Variants in OXR1 observed in about 807,000 individuals in gnomAD.
OXR1 encodes oxidation resistance protein 1.
In OXR1, 41 loss-of-function variants were observed where a neutral mutation model predicts 104.6. The ratio of observed to expected loss-of-function variants is 0.39; its 90% confidence interval spans 0.31 to 0.51. OXR1 has a LOEUF of 0.51. Ranked by LOEUF, OXR1 falls within the 20% of genes least tolerant of loss-of-function variation. The probability of loss-of-function intolerance (pLI) is 0.77; values close to 1 mark genes in which losing one functional copy is unlikely to be tolerated. For synonymous variants in OXR1, 348 were observed against 348.4 expected (o/e 1.00, Z 0.01); for missense variants, 955 against 1,031.9 (o/e 0.93, Z 1.02).
At chr8:106,459,200 A>G (rs1563536129) in intron 2 of OXR1, among the ~76,000 whole-genome samples, 1 of 152,170 alleles carries the variant, frequency 6.6e-6, no homozygotes, top group East Asian at 1.9e-4. Context: ...GGGCCTAGTA[A>G]GAGGTGGTTA....
chr8:106,371,478 G>T (rs1816705253), intron 2 of OXR1, among the ~76,000 whole-genome samples: 1 of 152,080 alleles, frequency 6.6e-6, no homozygotes, highest in African/African-American at 2.4e-5. Flanking sequence ...TCTTTGAATT[G>T]TGATGTTAGG....
At chr8:106,296,153 G>C (rs1812986062) in intron 1 of OXR1, among the ~76,000 whole-genome samples, 1 of 152,136 alleles carries the variant, frequency 6.6e-6, no homozygotes, top group Non-Finnish European at 1.5e-5. Flanking sequence ...AGTTCTTCGA[G>C]TCTCATGGGC....
At chr8:106,552,432 T>C (rs755195143) in intron 3 of OXR1, among the ~76,000 whole-genome samples, 4 of 152,184 alleles carry the variant, frequency 2.6e-5, no homozygotes, top group Non-Finnish European at 5.9e-5. Context: ...CTATGCTTTC[T>C]ATTCTTAGGC....
intron 15 of OXR1, among the ~76,000 whole-genome samples, chr8:106,745,513 T>G (rs930260738): frequency 1.3e-5 from 2 of 152,192 alleles, no homozygotes; most frequent in African/African-American, 4.8e-5. Context: ...CAACTCTTGG[T>G]GTCTGTAGAG....
At chr8:106,626,029 GCT>G (rs1240470179) in intron 3 of OXR1, among the ~76,000 whole-genome samples, 1 of 135,716 alleles carries the variant, frequency 7.4e-6, no homozygotes, top group Non-Finnish European at 1.5e-5. Context: ...GTACTATTGT[GCT>G]CTGTTCTGCG....
chr8:106,590,957 A>G lies in OXR1; in HGVS notation c.220+71818A>G, dbSNP rs1465349809. Reference sequence around the variant, plus strand: ...TGGACCTGGAGCTTTTGAGATAAGTACACATTTTGAGATAAGTACATAGTT... The same window carrying G: ...TGGACCTGGAGCTTTTGAGATAAGTGCACATTTTGAGATAAGTACATAGTT... On this transcript the variant is annotated intron_variant, in intron 3 of 16. Transcript: ENST00000517566. Among the ~76,000 whole-genome samples the G allele has an allele frequency of 2.6e-5, 4 of 152,186 alleles. No homozygotes were observed. In the East Asian group the frequency reaches 5.8e-4, roughly 22 times the overall value.
intron 3 of OXR1, among the ~76,000 whole-genome samples, chr8:106,606,288 C>CTTTATTTATTTATTTATTTATTTA (rs140600718): frequency 7.7e-4 from 113 of 145,994 alleles, no homozygotes; most frequent in Admixed American, 2.1e-3. Flanking sequence ...CTATGATACT[C>CTTTATTTATTTATTTATTTATTTA]TTTATTTATT....
At chr8:106,314,794 T>A (rs1813857960) in intron 1 of OXR1, among the ~76,000 whole-genome samples, 1 of 152,208 alleles carries the variant, frequency 6.6e-6, no homozygotes, top group South Asian at 2.1e-4. Context: ...TGTTTAGCCT[T>A]ATCAGAGAAC....
At chr8:106,685,927 G>A (rs9297385) in intron 6 of OXR1, among the ~76,000 whole-genome samples, 18,739 of 152,072 alleles carry the variant, frequency 0.12, 1,454 homozygotes, top group East Asian at 0.34. Flanking sequence ...TATATATACC[G>A]TGGAATACTA....
intron 3 of OXR1, among the ~76,000 whole-genome samples, chr8:106,667,032 G>A (rs1826408522): frequency 6.6e-6 from 1 of 152,102 alleles, no homozygotes; most frequent in African/African-American, 2.4e-5. Context: ...AAGACAGATG[G>A]CTAGTGGCTA....
At chr8:106,727,310 C>T (rs1281108506) in intron 11 of OXR1, among the ~76,000 whole-genome samples, 1 of 151,922 alleles carries the variant, frequency 6.6e-6, no homozygotes, top group Non-Finnish European at 1.5e-5. Context: ...ATTACAAATA[C>T]AAGCAAAATA....
chr8:106,487,339 C>CT (rs71307062), intron 2 of OXR1, among the ~76,000 whole-genome samples: 41,116 of 128,940 alleles, frequency 0.32, 7,159 homozygotes, highest in East Asian at 0.73. Context: ...CCAGGTATTT[C>CT]TTTTTTTTTT....
At chr8:106,535,244 A>G (rs1417699416) in intron 3 of OXR1, among the ~76,000 whole-genome samples, 3 of 152,182 alleles carry the variant, frequency 2.0e-5, no homozygotes, top group South Asian at 2.1e-4. Context: ...CAGAAATAAC[A>G]GCAGGCTGGC....
intron 3 of OXR1, among the ~76,000 whole-genome samples, chr8:106,678,180 G>C (rs902330977): frequency 2.0e-5 from 3 of 151,914 alleles, no homozygotes; most frequent in Non-Finnish European, 4.4e-5. Flanking sequence ...TGGGGATTTT[G>C]ATATTATTAT....
At chr8:106,330,545 G>A (rs1814666519) in intron 1 of OXR1, among the ~76,000 whole-genome samples, 2 of 152,188 alleles carry the variant, frequency 1.3e-5, no homozygotes, top group South Asian at 2.1e-4. Context: ...AGGGTTATTA[G>A]AGAAAATATA....
intron 7 of OXR1, among the ~76,000 whole-genome samples, chr8:106,694,714 A>ATT (rs373695474): frequency 2.8e-5 from 3 of 105,270 alleles, no homozygotes; most frequent in African/African-American, 3.7e-5. Flanking sequence ...TTTAATATAT[A>ATT]AATATATTTT....
chr8:106,343,080 T>C (rs1815323249), intron 1 of OXR1, among the ~76,000 whole-genome samples: 1 of 152,180 alleles, frequency 6.6e-6, no homozygotes. Flanking sequence ...CATCACTCCA[T>C]TCTCACTCCC....
chr8:106,344,151 A>G (rs1261095894), intron 1 of OXR1, among the ~76,000 whole-genome samples: 1 of 152,180 alleles, frequency 6.6e-6, no homozygotes, highest in African/African-American at 2.4e-5. Flanking sequence ...AGAAATGTCA[A>G]AATGGGTGGG....
intron 3 of OXR1, among the ~76,000 whole-genome samples, chr8:106,633,115 C>T (rs111937031): frequency 1.3e-5 from 2 of 151,758 alleles, no homozygotes; most frequent in African/African-American, 2.4e-5. Flanking sequence ...TGCCTGTAAT[C>T]CCAGCTACTC....
Sources: allele counts gnomAD v4.1 joint callset (sites outside exome capture counted in the v4.1 genomes callset), GRCh38; gene constraint gnomAD v4.1.1; transcripts MANE v1.5; gene names NCBI Gene and HGNC (gene_info 2026-07-23, HGNC 2026-07-21).